The following DCTN4 variants were observed in gnomAD, a reference collection of about 807,000 sequenced individuals.
DCTN4 encodes dynactin subunit 4.
In DCTN4, 23 loss-of-function variants were observed where a neutral mutation model predicts 62.7. The observed-to-expected ratio is 0.37, with a 90% confidence interval of 0.26 to 0.52. DCTN4 has a LOEUF of 0.52. Ranked by LOEUF, DCTN4 falls within the 20% of genes least tolerant of loss-of-function variation. DCTN4 has a pLI of 0.92. For missense variants in DCTN4, 514 were observed against 580.4 expected (o/e 0.89, Z 1.18); for synonymous variants, 199 against 202.1 (o/e 0.98, Z 0.13).
intron 1 of DCTN4, chr5:150,758,644 T>G: frequency 7.9e-7 from 1 of 1,258,362 alleles, no homozygotes; most frequent in South Asian, 1.6e-5. Flanking sequence ...CAGAGGCCGC[T>G]CTAGAACCAG....
At chr5:150,733,332 G>A (rs753645972) in intron 5 of DCTN4, 36 bp downstream of exon 5, 1 of 1,473,866 alleles carries the variant, frequency 6.8e-7, no homozygotes, top group East Asian at 2.3e-5. Context: ...TTAGGCCTTA[G>A]AGGTCTTGCA....
chr5:150,713,838 C>T (rs1759659924), intron 12 of DCTN4, among the ~76,000 whole-genome samples: 1 of 152,020 alleles, frequency 6.6e-6, no homozygotes, highest in South Asian at 2.1e-4. Context: ...GTAAATGGGC[C>T]AGGCATGGTG....
chr5:150,756,553 T>C (rs1173714939), intron 1 of DCTN4, 66 bp from the exon 2 acceptor site: 4 of 966,696 alleles, frequency 4.1e-6, no homozygotes, highest in Non-Finnish European at 3.1e-6. Flanking sequence ...GTATATGTCT[T>C]GTCAAATAGT....
chr5:150,728,914 G>A (rs1004382595), intron 8 of DCTN4, among the ~76,000 whole-genome samples: 1 of 149,432 alleles, frequency 6.7e-6, no homozygotes, highest in Admixed American at 6.7e-5. Flanking sequence ...GTCTTGCTTC[G>A]TCACCCAGGC....
rs1195648279 is a variant in DCTN4, at chr5:150,747,988, T to A, written c.385+5491A>T. 7.3e-3 allele frequency among the ~76,000 whole-genome samples: 1,048 copies of A among 144,112 alleles called. 7 individuals are homozygous for A. The highest frequency in any genetic ancestry group is 0.027 in the African/African-American group (1,002 of 37,044). 94.5% of individuals were successfully genotyped at this position (144,112 alleles called of 152,430 possible). On this transcript the variant is annotated intron_variant, in intron 3 of 12. Transcript: ENST00000447998. Reference sequence around the variant, plus strand: ...TTCTGCACAGCAAAAGAAACTACCATCAGAGTGAACAGGCAACCTACAAAA... The same window carrying A: ...TTCTGCACAGCAAAAGAAACTACCAACAGAGTGAACAGGCAACCTACAAAA...
chr5:150,745,513 C>G (rs1236316604), intron 3 of DCTN4, among the ~76,000 whole-genome samples: 1 of 152,090 alleles, frequency 6.6e-6, no homozygotes. Context: ...ACACCACACC[C>G]ATTCCAAAAC....
At chr5:150,717,217 TCA>T (rs992238185) in intron 11 of DCTN4, among the ~76,000 whole-genome samples, 5 of 152,146 alleles carry the variant, frequency 3.3e-5, no homozygotes, top group African/African-American at 1.2e-4. Context: ...TCCATTCAAC[TCA>T]CACTGAGTCA....
In DCTN4 at chr5:150,723,336, T is replaced by A. The variant is rs76516474; in HGVS notation, c.835-356A>T. On this transcript the variant is annotated intron_variant, in intron 8 of 12. Transcript: ENST00000447998. ...CTAGGTATAGGTATTACATTAAGGT[T>A]GCCATATTATAGATGATCAAAATGG... 4.5e-3 allele frequency among the ~76,000 whole-genome samples: 683 copies of A among 152,334 alleles called. 4 individuals are homozygous for A. Among genetic ancestry groups the A allele is most frequent in the African/African-American group, 0.016 (655 of 41,576 alleles).
At chr5:150,753,957 G>C (rs1193095588) in intron 2 of DCTN4, among the ~76,000 whole-genome samples, 1 of 152,158 alleles carries the variant, frequency 6.6e-6, no homozygotes, top group Non-Finnish European at 1.5e-5. Context: ...AAAGATTTCT[G>C]AGGAAGAGAA....
chr5:150,718,237 A>G lies in DCTN4; in HGVS notation c.1071+39T>C, dbSNP rs1453647297. On this transcript the variant is annotated intron_variant, in intron 11 of 12. Coordinates refer to ENST00000447998, the MANE Select transcript of DCTN4 (RefSeq NM_016221.4). ...CAGGTCAAATGAGGACACTCCAGGGAAAGTGCGGGTCAGTCAGGCTGAGGC... is the reference window on the plus strand; with the variant it reads ...CAGGTCAAATGAGGACACTCCAGGGGAAGTGCGGGTCAGTCAGGCTGAGGC... The G allele has an allele frequency of 2.1e-6, 3 of 1,407,924 alleles. No individual in the cohort carries two copies. The South Asian group carries it at 3.5e-5, about 16-fold the overall frequency. 87.2% of individuals were successfully genotyped at this position (1,407,924 alleles called of 1,614,324 possible).
chr5:150,717,861 G>A (rs1759822751), intron 11 of DCTN4, among the ~76,000 whole-genome samples: 1 of 152,186 alleles, frequency 6.6e-6, no homozygotes, highest in Non-Finnish European at 1.5e-5. Flanking sequence ...AGGATCTGAA[G>A]GAAGACCACA....
chr5:150,749,676 A>C (rs1752602217), intron 3 of DCTN4, among the ~76,000 whole-genome samples: 1 of 151,482 alleles, frequency 6.6e-6, no homozygotes, highest in Admixed American at 6.6e-5. Context: ...AAAAAATAAA[A>C]ATAGTTTGGC....
At chr5:150,726,695 A>G (rs964048416) in intron 8 of DCTN4, among the ~76,000 whole-genome samples, 8 of 152,226 alleles carry the variant, frequency 5.3e-5, no homozygotes, top group Non-Finnish European at 1.0e-4. Flanking sequence ...GCAACTTAGC[A>G]AAGGTATTAC....
At chr5:150,754,916 T>C (rs745448487) in intron 2 of DCTN4, among the ~76,000 whole-genome samples, 230 of 151,980 alleles carry the variant, frequency 1.5e-3, no homozygotes, top group Non-Finnish European at 2.3e-3. Flanking sequence ...TGAGCCAAGA[T>C]TGCACCACTG....
intron 3 of DCTN4, among the ~76,000 whole-genome samples, chr5:150,749,770 T>G (rs954750724): frequency 2.6e-5 from 4 of 152,202 alleles, no homozygotes; most frequent in African/African-American, 9.7e-5. Flanking sequence ...AAAACATATA[T>G]TCACACAAAG....
intron 12 of DCTN4, among the ~76,000 whole-genome samples, chr5:150,715,310 A>T (rs1200246984): frequency 6.6e-6 from 1 of 152,222 alleles, no homozygotes; most frequent in East Asian, 1.9e-4. Context: ...CTGTATTTAT[A>T]GAATGATCCC....
chr5:150,740,611 G>A (rs1760732578), intron 4 of DCTN4, among the ~76,000 whole-genome samples: 1 of 152,154 alleles, frequency 6.6e-6, no homozygotes, highest in Admixed American at 6.5e-5. Context: ...CACGTTTATA[G>A]CAGCACAATT....
At chr5:150,758,309 A>C in intron 1 of DCTN4, 1 of 985,716 alleles carries the variant, frequency 1.0e-6, no homozygotes, top group Non-Finnish European at 1.2e-6. Context: ...TTCTTACATG[A>C]CATACTGTAT....
In DCTN4 at chr5:150,711,252, T is replaced by A; in HGVS notation, c.1280A>T (p.Asn427Ile). The A allele has an allele frequency of 6.2e-7, 1 of 1,613,214 alleles. No homozygotes were observed. Among genetic ancestry groups the A allele is most frequent in the Non-Finnish European group, 8.5e-7 (1 of 1,180,012 alleles). ...AATGGGGCGAATGGGGGCTGCCAGG[T>A]TTTTAAAATCATGCTTCATCTTGAA... ...VCFKMKHDFKNLAAPIRPIEE... is the reference protein window; with the variant it reads ...VCFKMKHDFKILAAPIRPIEE... The change falls in exon 13 of 13, where the codon AAC (asparagine) becomes ATC (isoleucine). Residue 427 changes from asparagine (N) to isoleucine (I), a missense_variant. Physicochemically the swap from Asn to Ile is moderately radical, Grantham distance 149 (BLOSUM62 -3). Coordinates refer to ENST00000447998, the MANE Select transcript of DCTN4 (RefSeq NM_016221.4).
Sources: gnomAD v4.1 joint callset for allele counts (sites outside exome capture counted in the v4.1 genomes callset) on GRCh38, gnomAD v4.1.1 for gene constraint, MANE v1.5 for transcripts, NCBI Gene and HGNC (gene_info 2026-07-23, HGNC 2026-07-21) for gene names.